Variants in TUBB6 observed in about 807,000 individuals in gnomAD.
TUBB6 encodes the protein tubulin beta 6 class V.
TUBB6 carries 18 observed loss-of-function variants against 32.3 expected under a neutral mutation model. The ratio of observed to expected loss-of-function variants is 0.56; its 90% CI spans 0.39 to 0.83. The LOEUF is 0.83. Ranked by LOEUF, TUBB6 falls within the 40% of genes least tolerant of loss-of-function variation. The probability of loss-of-function intolerance (pLI) is 0.00; values close to 1 mark genes in which losing one functional copy is unlikely to be tolerated. For missense variants in TUBB6, 480 were observed against 632.0 expected, an observed-to-expected ratio of 0.76 and a Z score of 2.58; for synonymous variants, 280 against 265.8, an observed-to-expected ratio of 1.05 and a Z score of -0.52.
chr18:12,311,055 T>G lies in TUBB6; in HGVS notation c.277+2T>G. 1.9e-6 allele frequency: 3 copies of G among 1,609,478 alleles called. No individual in the cohort carries two copies. Among genetic ancestry groups the G allele is most frequent in the Non-Finnish European group, 2.5e-6 (3 of 1,176,716 alleles). On this transcript the variant is annotated splice_donor_variant, in intron 3 of 3. Coordinates refer to ENST00000317702, the MANE Select transcript of TUBB6 (RefSeq NM_032525.3). LOFTEE classifies it high-confidence loss of function. ...TCCGGCCTGACAACTTCATCTTTGG[T>G]AGGTTCCATCTTTCTCACTTTCTTC...
chr18:12,314,003 C>A (rs1350080702), intron 3 of TUBB6, among the ~76,000 whole-genome samples: 1 of 152,148 alleles, frequency 6.6e-6, no homozygotes, highest in Non-Finnish European at 1.5e-5. Flanking sequence ...GGAAAAAGGA[C>A]GATCCTACTT....
chr18:12,308,783 A>G lies in TUBB6; in HGVS notation c.154A>G (p.Asn52Asp), dbSNP rs1598797422. Residue 52 changes from asparagine (N) to aspartate (D), a missense_variant, in exon 2 of 4, where the codon AAT becomes GAT. By Grantham distance (23) the Asn-to-Asp change is conservative. Transcript: ENST00000317702. ...GCTGGAGAGAATCAACGTCTACTAC[A>G]ATGAGTCATCGTGTGAGTAGCAAGG... ...LQLERINVYY[N>D]ESSSQKYVPR... is the part of the protein sequence containing the mutation. 3 of 1,606,508 alleles carry G rather than the reference A, an allele frequency of 1.9e-6. No individual in the cohort carries two copies. Among genetic ancestry groups the G allele is most frequent in the South Asian group, 1.1e-5 (1 of 90,976 alleles).
chr18:12,310,684 T>C (rs913462535), intron 2 of TUBB6, among the ~76,000 whole-genome samples: 2 of 152,098 alleles, frequency 1.3e-5, no homozygotes, highest in Non-Finnish European at 2.9e-5. Flanking sequence ...AAACAGGGTT[T>C]TGCTCTGTTG....
intron 3 of TUBB6, among the ~76,000 whole-genome samples, chr18:12,323,643 T>TA (rs1051066715): frequency 1.3e-5 from 2 of 151,474 alleles, no homozygotes; most frequent in Non-Finnish European, 1.5e-5. Flanking sequence ...CCATCTCTAC[T>TA]AAAAAATACA....
At chr18:12,322,291 C>A (rs1003352580) in intron 3 of TUBB6, among the ~76,000 whole-genome samples, 5 of 151,546 alleles carry the variant, frequency 3.3e-5, no homozygotes, top group African/African-American at 1.2e-4. Flanking sequence ...GAGTGAGACT[C>A]CATCTCAAAA....
chr18:12,329,181 T>C, downstream of TUBB6: 1 of 702,966 alleles, frequency 1.4e-6, no homozygotes, highest in Admixed American at 2.0e-5. Context: ...GAAACAGGAA[T>C]GAAGAGTGGG....
chr18:12,325,715 G>A lies in TUBB6; in HGVS notation c.926G>A (p.Arg309His), dbSNP rs1358508269. ...GCCGCCTGCGATCCGCGCCATGGCC[G>A]CTACCTGACCGTGGCCACCGTGTTC... ...MMAACDPRHG[R>H]YLTVATVFRG... Residue 309 changes from arginine to histidine, a missense_variant, in exon 4 of 4, where the codon CGC (arginine) becomes CAC (histidine). Coordinates refer to ENST00000317702, the MANE Select transcript of TUBB6 (RefSeq NM_032525.3). 12 of 1,614,190 alleles carry A rather than the reference G, an allele frequency of 7.4e-6. No homozygotes were observed. The highest frequency in any genetic ancestry group is 1.1e-5 in the South Asian group (1 of 91,084).
At position 12,325,136 on chromosome 18, in the gene TUBB6, T is replaced by C; in HGVS notation, c.347T>C (p.Val116Ala). The change falls in exon 4 of 4, where the codon GTG becomes GCG. Residue 116 changes from valine (V) to alanine (A), a missense_variant. Transcript: ENST00000317702. ...YTEGAELVDA[V>A]LDVVRKECEH... is the part of the protein sequence containing the mutation. ...GAGGGCGCGGAGCTGGTGGACGCAG[T>C]GCTGGACGTGGTGCGGAAGGAGTGC... 1 of 1,611,192 alleles carries C rather than the reference T, an allele frequency of 6.2e-7. No individual in the cohort carries two copies. Among genetic ancestry groups the C allele is most frequent in the Non-Finnish European group, 8.5e-7 (1 of 1,178,198 alleles).
intron 3 of TUBB6, among the ~76,000 whole-genome samples, chr18:12,321,159 T>G (rs528678076): frequency 1.3e-5 from 2 of 152,374 alleles, no homozygotes; most frequent in South Asian, 4.1e-4. Context: ...TTGTTTTTCT[T>G]ACTGATTTAA....
At chr18:12,328,147 C>T (rs1907397729), downstream of TUBB6, among the ~76,000 whole-genome samples, 1 of 152,244 alleles carries the variant, frequency 6.6e-6, no homozygotes, top group Non-Finnish European at 1.5e-5. Context: ...CTTCCACGGC[C>T]TGCCGGGGAC....
At chr18:12,315,897 T>C (rs956630822) in intron 3 of TUBB6, among the ~76,000 whole-genome samples, 1 of 152,226 alleles carries the variant, frequency 6.6e-6, no homozygotes, top group Non-Finnish European at 1.5e-5. Flanking sequence ...AGTAGGTGTG[T>C]AGAGATTCAT....
At chr18:12,322,768 C>T (rs144907501) in intron 3 of TUBB6, among the ~76,000 whole-genome samples, 106 of 152,232 alleles carry the variant, frequency 7.0e-4, no homozygotes, top group African/African-American at 2.4e-3. Flanking sequence ...ATTTAATATT[C>T]ACCCTTGGAT....
intron 3 of TUBB6, among the ~76,000 whole-genome samples, chr18:12,319,149 C>CT (rs376219366): frequency 0.8 from 113,150 of 141,548 alleles, 45,376 homozygotes; most frequent in Non-Finnish European, 0.88. Flanking sequence ...TTTTTTTTTT[C>CT]TTTTTTTTTT....
rs1906417267 is a variant in TUBB6, at chr18:12,312,123, TA to T, written c.277+1072del. On this transcript the variant is annotated intron_variant, in intron 3 of 3. Transcript: ENST00000317702. ...CAGGAAGAGATAGTTTAATAGAGGG[TA>T]ACAGACAATCCCATTATCCAAACCA... is the stretch of plus-strand genomic sequence containing the variant. Among the ~76,000 whole-genome samples, 3 of 152,260 alleles carry T rather than the reference TA, an allele frequency of 2.0e-5. No individual in the cohort carries two copies. The South Asian group carries it at 6.2e-4, about 32-fold the overall frequency.
rs779433402 is a variant in TUBB6, at chr18:12,308,714, G to A, written c.85G>A (p.Gly29Ser). Residue 29 changes from glycine (G) to serine (S), a missense_variant, in exon 2 of 4, where the codon GGC (glycine) becomes AGC (serine). Coordinates refer to ENST00000317702, the MANE Select transcript of TUBB6 (RefSeq NM_032525.3). Reference sequence around the variant, plus strand: ...TTGGGAAGTGATCAGCGATGAGCACGGCATCGACCCGGCCGGAGGCTACGT... The same window carrying A: ...TTGGGAAGTGATCAGCGATGAGCACAGCATCGACCCGGCCGGAGGCTACGT... ...KFWEVISDEH[G>S]IDPAGGYVGD... 1 of 1,612,774 alleles carries A rather than the reference G, an allele frequency of 6.2e-7. No homozygotes were observed. Among genetic ancestry groups the A allele is most frequent in the African/African-American group, 1.3e-5 (1 of 74,900 alleles).
In TUBB6 at chr18:12,317,323, G is replaced by A. The variant is rs745584315; in HGVS notation, c.277+6270G>A. Among the ~76,000 whole-genome samples, 76 of 152,092 alleles carry A rather than the reference G, an allele frequency of 5.0e-4. 4 individuals carry two copies. Among genetic ancestry groups the A allele is most frequent in the Non-Finnish European group, 1.2e-4 (8 of 68,014 alleles). ...AAAAGTTTTTTTAAATTAGCTAGGCGTGGTGGTGTGCACCTGGGGTCCCAG... is the reference window on the plus strand; with the variant it reads ...AAAAGTTTTTTTAAATTAGCTAGGCATGGTGGTGTGCACCTGGGGTCCCAG... On this transcript the variant is annotated intron_variant, in intron 3 of 3. Transcript: ENST00000317702.
At chr18:12,315,561 G>C (rs1472317683) in intron 3 of TUBB6, among the ~76,000 whole-genome samples, 1 of 152,202 alleles carries the variant, frequency 6.6e-6, no homozygotes, top group African/African-American at 2.4e-5. Context: ...CTACTTTATA[G>C]GAAATGTAAG....
downstream of TUBB6, among the ~76,000 whole-genome samples, chr18:12,328,533 T>TC (rs1305788306): frequency 2.6e-5 from 4 of 152,198 alleles, no homozygotes; most frequent in African/African-American, 4.8e-5. Flanking sequence ...TCCTGAGATG[T>TC]CCCCAGAGAG....
At chr18:12,307,930 C>G (rs1036546717), upstream of TUBB6, 1 of 152,108 alleles carries the variant, frequency 6.6e-6, no homozygotes, top group Non-Finnish European at 1.5e-5. Context: ...CACGTCGGCT[C>G]CGCTGCCCCG....
Sources: gnomAD v4.1 joint callset for allele counts (sites outside exome capture counted in the v4.1 genomes callset) on GRCh38, gnomAD v4.1.1 for gene constraint, MANE v1.5 for transcripts, NCBI Gene and HGNC (gene_info 2026-07-23, HGNC 2026-07-21) for gene names.